The following MIGA1 variants were observed in gnomAD, a reference collection of about 807,000 sequenced individuals.
MIGA1 encodes the protein family with sequence similarity 73, member A.
Under a neutral mutation model 82.0 loss-of-function variants are expected in MIGA1, and 58 were observed. That is an observed-to-expected ratio of 0.71 (90% CI 0.57 to 0.88). MIGA1 has a LOEUF of 0.88. Among genes scored for constraint, MIGA1 ranks in the 40% least tolerant of loss-of-function variants. The probability of loss-of-function intolerance (pLI) is 0.00; values close to 1 mark genes in which losing one functional copy is unlikely to be tolerated. For missense variants in MIGA1, 751 were observed against 749.1 expected (o/e 1.00, Z -0.03); for synonymous variants, 249 against 253.6 (o/e 0.98, Z 0.17).
At chr1:77,828,199 A>G (rs532154467) in intron 7 of MIGA1, among the ~76,000 whole-genome samples, 2 of 152,240 alleles carry the variant, frequency 1.3e-5, no homozygotes, top group Admixed American at 6.5e-5. Context: ...CCTTGTGGGC[A>G]GAAGACATAC....
chr1:77,859,943 G>A (rs113250982), intron 10 of MIGA1, 97 bp from the exon 11 acceptor site: 4 of 737,496 alleles, frequency 5.4e-6, no homozygotes, highest in African/African-American at 5.4e-5. Context: ...CACATGCAAT[G>A]CATTAACTGT....
intron 2 of MIGA1, among the ~76,000 whole-genome samples, chr1:77,798,996 T>C (rs1355305856): frequency 1.3e-5 from 2 of 152,238 alleles, no homozygotes; most frequent in East Asian, 1.9e-4. Flanking sequence ...TTAGCTGATA[T>C]TATGGTAAGT....
At chr1:77,841,390 AT>A (rs1004177238) in intron 7 of MIGA1, among the ~76,000 whole-genome samples, 4 of 151,350 alleles carry the variant, frequency 2.6e-5, no homozygotes, top group African/African-American at 9.7e-5. Flanking sequence ...CTTAATAGGA[AT>A]GAACCTTGTA....
intron 8 of MIGA1, among the ~76,000 whole-genome samples, chr1:77,849,577 A>C (rs1279994460): frequency 6.6e-6 from 1 of 152,224 alleles, no homozygotes; most frequent in African/African-American, 2.4e-5. Context: ...ATCTTGTCTA[A>C]ATAGCTTACA....
chr1:77,811,808 G>A lies in MIGA1; in HGVS notation c.638-1926G>A, dbSNP rs538788164. 5.9e-4 allele frequency: 307 copies of A among 519,126 alleles called. No homozygotes were observed. In the African/African-American group the frequency reaches 6.3e-3, roughly 11 times the overall value. The allele number at this position is 519,126 out of a possible 1,614,324, so 32.2% of individuals were successfully genotyped here. On this transcript the variant is annotated intron_variant, in intron 5 of 15. Transcript: ENST00000370791. ...GCCGGTCCCCACCCCGTCCCCTCCC[G>A]CCCCTACCCCAGCAAGGCCGGGTTC...
intron 7 of MIGA1, among the ~76,000 whole-genome samples, chr1:77,835,719 G>A (rs1379261430): frequency 6.6e-6 from 1 of 152,036 alleles, no homozygotes; most frequent in Non-Finnish European, 1.5e-5. Flanking sequence ...AGGTCAAGCC[G>A]GGTGGATCAC....
chr1:77,830,562 T>C (rs1255779959), intron 7 of MIGA1, among the ~76,000 whole-genome samples: 3 of 152,160 alleles, frequency 2.0e-5, no homozygotes, highest in Non-Finnish European at 4.4e-5. Flanking sequence ...TCACCACATA[T>C]TCTTTCATCC....
chr1:77,865,527 A>G (rs1685630961), intron 13 of MIGA1, among the ~76,000 whole-genome samples: 3 of 152,090 alleles, frequency 2.0e-5, no homozygotes, highest in Admixed American at 6.6e-5. Flanking sequence ...TTGGAGGCGG[A>G]GGTTGCAGTG....
At chr1:77,779,884 C>CT in intron 1 of MIGA1, 148 bp downstream of exon 1, 1 of 1,422,738 alleles carries the variant, frequency 7.0e-7, no homozygotes, top group Non-Finnish European at 9.2e-7. Context: ...GGTGGAGCGG[C>CT]GGAAAGCCAG....
At chr1:77,792,272 G>C (rs181132460) in intron 2 of MIGA1, among the ~76,000 whole-genome samples, 1 of 152,324 alleles carries the variant, frequency 6.6e-6, no homozygotes, top group East Asian at 1.9e-4. Context: ...TGTCTGCCTG[G>C]AGTACAGGCT....
chr1:77,801,540 A>C, intron 3 of MIGA1, 32 bp downstream of exon 3: 1 of 1,540,772 alleles, frequency 6.5e-7, no homozygotes, highest in Non-Finnish European at 8.7e-7. Context: ...AAGTGTACAA[A>C]AGTGTGTAAA....
intron 1 of MIGA1, chr1:77,782,837 C>T: frequency 5.1e-6 from 5 of 984,274 alleles, no homozygotes; most frequent in South Asian, 4.7e-5. Flanking sequence ...CTGCCTGCCA[C>T]CTACTCTCAC....
At chr1:77,852,880 G>A (rs372026323) in intron 8 of MIGA1, among the ~76,000 whole-genome samples, 1 of 152,060 alleles carries the variant, frequency 6.6e-6, no homozygotes, top group South Asian at 2.1e-4. Context: ...TAGTAGAGGC[G>A]GGGCTTCCCC....
chr1:77,863,851 C>T (rs372963748), intron 12 of MIGA1, 43 bp from the exon 13 acceptor site: 14 of 1,399,888 alleles, frequency 1.0e-5, no homozygotes, highest in Non-Finnish European at 1.3e-5. Context: ...TATTTCAGCT[C>T]TATGTAATAA....
chr1:77,865,667 C>T (rs968577579), intron 13 of MIGA1, among the ~76,000 whole-genome samples: 34 of 152,100 alleles, frequency 2.2e-4, no homozygotes, highest in Non-Finnish European at 7.4e-5. Context: ...ATTCTATATA[C>T]ACATATTTTC....
chr1:77,864,498 A>G (rs1486053680), intron 13 of MIGA1, among the ~76,000 whole-genome samples: 18 of 151,082 alleles, frequency 1.2e-4, no homozygotes, highest in Non-Finnish European at 7.4e-5. Flanking sequence ...CAACATGGTG[A>G]AAGGCTGTCT....
intron 2 of MIGA1, among the ~76,000 whole-genome samples, chr1:77,798,047 G>T (rs1301734910): frequency 6.6e-6 from 1 of 152,174 alleles, no homozygotes; most frequent in Non-Finnish European, 1.5e-5. Context: ...TCACCATTAA[G>T]CATGATCTTA....
intron 13 of MIGA1, among the ~76,000 whole-genome samples, chr1:77,864,559 C>G (rs1401543337): frequency 6.6e-6 from 1 of 151,926 alleles, no homozygotes; most frequent in Non-Finnish European, 1.5e-5. Context: ...ACCTGTAATC[C>G]CAGCTACTCG....
chr1:77,848,948 T>G, intron 8 of MIGA1: 2 of 394,398 alleles, frequency 5.1e-6, no homozygotes, highest in Non-Finnish European at 4.4e-6. Flanking sequence ...AAATCAAAAG[T>G]CAGTCTTACA....
Sources: gnomAD v4.1 joint callset for allele counts (sites outside exome capture counted in the v4.1 genomes callset) on GRCh38, gnomAD v4.1.1 for gene constraint, MANE v1.5 for transcripts, NCBI Gene and HGNC (gene_info 2026-07-23, HGNC 2026-07-21) for gene names.